SCUBE1: variants seen among roughly 807,000 people sequenced by gnomAD.
SCUBE1 encodes signal peptide, CUB and EGF-like domain-containing protein 1.
Under a neutral mutation model 124.4 loss-of-function variants are expected in SCUBE1, and 59 were observed. The observed-to-expected ratio is 0.47, with a 90% CI of 0.38 to 0.59. The LOEUF is 0.59. Among genes scored for constraint, SCUBE1 ranks in the 20% least tolerant of loss-of-function variants. The probability of loss-of-function intolerance (pLI) is 0.00; values close to 1 mark genes in which losing one functional copy is unlikely to be tolerated. For missense variants in SCUBE1, 1,150 were observed against 1,371.2 expected (o/e 0.84, Z 2.55); for synonymous variants, 545 against 550.9 (o/e 0.99, Z 0.15).
intron 3 of SCUBE1, among the ~76,000 whole-genome samples, chr22:43,300,416 T>C (rs1262798538): frequency 6.6e-6 from 1 of 152,080 alleles, no homozygotes; most frequent in Non-Finnish European, 1.5e-5. Context: ...TAGTGGCCAT[T>C]TGTATGGCCC....
chr22:43,215,784 T>A (rs907970279), intron 15 of SCUBE1, among the ~76,000 whole-genome samples: 1 of 152,118 alleles, frequency 6.6e-6, no homozygotes, highest in African/African-American at 2.4e-5. Flanking sequence ...GGGTGACATG[T>A]CTTTCTGGAT....
In SCUBE1 at chr22:43,337,240, G is replaced by A. The variant is rs902809108; in HGVS notation, c.220+1864C>T. The stretch of plus-strand genomic sequence containing the variant: ...GTCTGACTCCTAACTCGGGGGTCAA[G>A]CAGAGTAAGGAGTTAAAGCTGAACT... On this transcript the variant is annotated intron_variant, in intron 2 of 21. Coordinates refer to ENST00000360835, the MANE Select transcript of SCUBE1 (RefSeq NM_173050.5). Among the ~76,000 whole-genome samples the A allele has an allele frequency of 1.3e-4, 20 of 152,268 alleles. 1 individual carries two copies. Among genetic ancestry groups the A allele is most frequent in the Admixed American group, 2.0e-4 (3 of 15,298 alleles).
intron 7 of SCUBE1, among the ~76,000 whole-genome samples, chr22:43,232,972 C>A (rs1922615584): frequency 6.6e-6 from 1 of 152,248 alleles, no homozygotes; most frequent in Non-Finnish European, 1.5e-5. Context: ...GGGTCCCGAC[C>A]TCCAGGCCCC....
At chr22:43,280,792 CA>C in intron 4 of SCUBE1, among the ~76,000 whole-genome samples, 2 of 139,556 alleles carry the variant, frequency 1.4e-5, no homozygotes, top group Admixed American at 7.0e-5. Context: ...ATCTCCTCCT[CA>C]GCTACCCTGT....
intron 4 of SCUBE1, among the ~76,000 whole-genome samples, chr22:43,284,252 A>G (rs1304338821): frequency 6.6e-6 from 1 of 152,260 alleles, no homozygotes; most frequent in African/African-American, 2.4e-5. Context: ...AACTGAGTTC[A>G]TAACAAGAAT....
At chr22:43,316,785 G>C (rs555985026) in intron 3 of SCUBE1, 51 of 152,500 alleles carry the variant, frequency 3.3e-4, no homozygotes, top group African/African-American at 1.2e-3. Flanking sequence ...TCCATGGGTA[G>C]CTCTTCACAG....
chr22:43,318,862 T>G (rs868506130), intron 3 of SCUBE1, among the ~76,000 whole-genome samples: 4 of 152,134 alleles, frequency 2.6e-5, no homozygotes, highest in Non-Finnish European at 5.9e-5. Flanking sequence ...CCCAAATAGC[T>G]GGGATTACAG....
chr22:43,263,620 C>T (rs950158914), intron 4 of SCUBE1, among the ~76,000 whole-genome samples: 3 of 152,154 alleles, frequency 2.0e-5, no homozygotes, highest in Non-Finnish European at 2.9e-5. Flanking sequence ...ATCCTGACCC[C>T]GTCCACTTTA....
At chr22:43,216,108 G>A (rs980060707) in intron 15 of SCUBE1, among the ~76,000 whole-genome samples, 3 of 151,998 alleles carry the variant, frequency 2.0e-5, no homozygotes, top group Admixed American at 1.3e-4. Context: ...GTGCAGTGGT[G>A]TGATCTCAGC....
chr22:43,314,513 G>T (rs536251964), intron 3 of SCUBE1, among the ~76,000 whole-genome samples: 3 of 152,092 alleles, frequency 2.0e-5, no homozygotes, highest in Admixed American at 6.5e-5. Context: ...GGAGTAAGGG[G>T]TCCACAGGGG....
chr22:43,214,232 G>GCC lies in SCUBE1; in HGVS notation c.1910_1911insGG (p.His638AlafsTer221). The GCC allele has an allele frequency of 6.2e-7, 1 of 1,612,438 alleles. No homozygotes were observed. The highest frequency in any genetic ancestry group is 8.5e-7 in the Non-Finnish European group (1 of 1,179,574). On this transcript the variant is annotated frameshift_variant, in exon 16 of 22. Transcript: ENST00000360835. LOFTEE classifies it high-confidence loss of function. ...ACTGGCCGAGCTCACCACCGAAGTG[G>GCC]GTGCCAGGCCCACAGGCAACTGCAG...
At chr22:43,212,792 G>A (rs914557948) in intron 16 of SCUBE1, 200 bp from the exon 17 acceptor site, 4 of 593,594 alleles carry the variant, frequency 6.7e-6, no homozygotes, top group South Asian at 2.1e-5. Flanking sequence ...TGATGCCAGC[G>A]GTTCATGTGC....
At chr22:43,326,619 A>G (rs5759284) in intron 2 of SCUBE1, among the ~76,000 whole-genome samples, 55,512 of 151,864 alleles carry the variant, frequency 0.37, 11,123 homozygotes, top group East Asian at 0.53. Flanking sequence ...GGAAAGGTCA[A>G]AGGGCACGTA....
intron 3 of SCUBE1, among the ~76,000 whole-genome samples, chr22:43,305,219 GA>G (rs1158772338): frequency 6.6e-6 from 1 of 152,204 alleles, no homozygotes; most frequent in Non-Finnish European, 1.5e-5. Flanking sequence ...GGTGACACTG[GA>G]CACGGACATC....
chr22:43,289,808 G>A (rs1158688651), intron 4 of SCUBE1, among the ~76,000 whole-genome samples: 1 of 152,234 alleles, frequency 6.6e-6, no homozygotes, highest in Admixed American at 6.5e-5. Context: ...CGTGGGAGAG[G>A]AGGAGCTGGA....
rs1569492383 is a variant in SCUBE1, at chr22:43,201,322, A to AAAAAAG, written c.*2669_*2674dup. Reference sequence around the variant, plus strand: ...CCATCTCAAAAAAAAAAAAAAAAAAAAAAAAGAAAACAAAAAAAGAAAACA... The same window carrying AAAAAAG: ...CCATCTCAAAAAAAAAAAAAAAAAAAAAAAAGAAAAAGAAAACAAAAAAAGAAAACA... On this transcript the variant is annotated 3_prime_UTR_variant, in exon 22 of 22. Transcript: ENST00000360835. 14 of 147,908 alleles carry AAAAAAG rather than the reference A, an allele frequency of 9.5e-5. No homozygotes were observed. Among genetic ancestry groups the AAAAAAG allele is most frequent in the African/African-American group, 3.6e-4 (14 of 38,690 alleles). The allele number at this position is 147,908 out of a possible 1,614,324, so 9.2% of individuals were successfully genotyped here.
rs145994315 is a variant in SCUBE1, at chr22:43,231,820, G to A, written c.900C>T (p.Thr300=). Residue 300 remains threonine (T), a synonymous_variant, in exon 8 of 22, where the codon ACC becomes ACT. Transcript: ENST00000360835. ...NGGCDHFCRN[T]VGSFECGCRK... The stretch of plus-strand genomic sequence containing the variant: ...GGCAGCCGCACTCGAAGCTGCCCAC[G>A]GTGTTGCGGCAGAAGTGGTCGCAGC... The A allele has an allele frequency of 5.5e-5, 89 of 1,613,420 alleles. No homozygotes were observed. In the African/African-American group the frequency reaches 8.3e-4, roughly 15 times the overall value.
intron 1 of SCUBE1, among the ~76,000 whole-genome samples, chr22:43,342,898 C>A (rs193171249): frequency 1.1e-4 from 17 of 151,990 alleles, no homozygotes; most frequent in African/African-American, 4.1e-4. Context: ...CGGGAACCGC[C>A]GCCTTTCTTC....
chr22:43,239,994 C>T (rs1000447089), intron 6 of SCUBE1, among the ~76,000 whole-genome samples: 8 of 152,154 alleles, frequency 5.3e-5, no homozygotes, highest in African/African-American at 1.9e-4. Context: ...TGAATACATA[C>T]CCTCAGCTGT....
Sources: allele counts gnomAD v4.1 joint callset (sites outside exome capture counted in the v4.1 genomes callset), GRCh38; gene constraint gnomAD v4.1.1; transcripts MANE v1.5; gene names NCBI Gene and HGNC (gene_info 2026-07-23, HGNC 2026-07-21).